The following ARRDC1 variants were observed in gnomAD, a reference collection of about 807,000 sequenced individuals.
ARRDC1 encodes the protein arrestin domain-containing protein 1.
A neutral mutation model predicts 40.1 loss-of-function variants in ARRDC1; 37 were observed. The observed-to-expected ratio is 0.92, with a 90% CI of 0.71 to 1.21. The LOEUF is 1.21. Ranked by LOEUF, ARRDC1 falls within the 50% of genes most tolerant of loss-of-function variation. The pLI is 0.00. For missense variants in ARRDC1, 641 were observed against 581.9 expected, an observed-to-expected ratio of 1.10 and a Z score of -1.04; for synonymous variants, 310 against 262.5, an observed-to-expected ratio of 1.18 and a Z score of -1.75.
At chr9:137,613,861 G>A (rs976588575) in intron 4 of ARRDC1, 92 bp downstream of exon 4, 2 of 1,558,666 alleles carry the variant, frequency 1.3e-6, no homozygotes, top group African/African-American at 2.7e-5. Flanking sequence ...CCAGCGTCCT[G>A]TCCCCAGCTG....
intron 2 of ARRDC1, 37 bp from the exon 3 acceptor site, chr9:137,613,420 CAGG>C (rs781034784): frequency 1.9e-6 from 3 of 1,599,720 alleles, no homozygotes; most frequent in Non-Finnish European, 2.6e-6. Context: ...CAGGCCACCT[CAGG>C]GGGGGACTGC....
rs375659457 is a variant in ARRDC1, at chr9:137,615,070, G to C, written c.1238-4G>C. ...CCCACGCAGACCCTGCTTTCTTCCC[G>C]CAGAGGCCCCACCGTCTTATGAGCA... On this transcript the variant is annotated splice_polypyrimidine_tract_variant and splice_region_variant and intron_variant, in intron 7 of 7. Transcript: ENST00000371421. 1.7e-5 allele frequency: 27 copies of C among 1,602,400 alleles called. No individual in the cohort carries two copies. The highest frequency in any genetic ancestry group is 2.3e-5 in the Non-Finnish European group (27 of 1,173,970).
chr9:137,612,869 G>A, intron 1 of ARRDC1, 27 bp from the exon 2 acceptor site: 1 of 1,577,086 alleles, frequency 6.3e-7, no homozygotes, highest in Non-Finnish European at 8.7e-7. Flanking sequence ...CGGCTGGCTG[G>A]GGCTCATGCA....
chr9:137,607,141 G>A (rs1243373012), intron 1 of ARRDC1, among the ~76,000 whole-genome samples: 1 of 152,250 alleles, frequency 6.6e-6, no homozygotes, highest in Non-Finnish European at 1.5e-5. Flanking sequence ...AGGGTCGTGA[G>A]CTAAGGAGTA....
intron 2 of ARRDC1, 130 bp from the exon 3 acceptor site, chr9:137,613,330 C>T (rs904671034): frequency 1.8e-5 from 18 of 1,023,378 alleles, no homozygotes; most frequent in East Asian, 7.8e-5. Context: ...GCTGCTGTGG[C>T]GCTGGTGACT....
At chr9:137,615,037 C>G (rs781125964) in intron 7 of ARRDC1, 37 bp downstream of exon 7, 1 of 1,611,906 alleles carries the variant, frequency 6.2e-7, no homozygotes, top group Non-Finnish European at 8.5e-7. Context: ...GGAGGGGACG[C>G]CAAGAGCCCC....
Position 137,615,007 on chromosome 9 carries a change from C to T in ARRDC1, c.1237+7C>T, listed in dbSNP as rs764585267. The T allele has an allele frequency of 1.1e-5, 17 of 1,612,748 alleles. No homozygotes were observed. The highest frequency in any genetic ancestry group is 8.9e-5 in the East Asian group (4 of 44,860). On this transcript the variant is annotated splice_region_variant and intron_variant, in intron 7 of 7. Coordinates refer to ENST00000371421, the MANE Select transcript of ARRDC1 (RefSeq NM_152285.4). ...TCTTGGGGCTACCCCTATGGTGAGT[C>T]GACAGCCAGGGCTTGGCAGGGAGGG... is the stretch of plus-strand genomic sequence containing the variant.
At chr9:137,606,952 C>T (rs1023330078) in intron 1 of ARRDC1, among the ~76,000 whole-genome samples, 2 of 152,198 alleles carry the variant, frequency 1.3e-5, no homozygotes, top group African/African-American at 4.8e-5. Context: ...AAGGGACGGC[C>T]CCGCGGTGCG....
At chr9:137,612,802 T>G (rs1247766957) in intron 1 of ARRDC1, 94 bp from the exon 2 acceptor site, 2 of 922,704 alleles carry the variant, frequency 2.2e-6, no homozygotes, top group Non-Finnish European at 3.4e-6. Flanking sequence ...GCCCAGGTGG[T>G]GCTGCTTGGC....
Position 137,614,387 on chromosome 9 carries a change from C to T in ARRDC1, c.707C>T (p.Ala236Val), listed in dbSNP as rs776466823. The part of the protein sequence containing the change: ...EGAGVKAWRR[A>V]QWHEQILVPA... ...GCGGGCGTCAAGGCCTGGCGGCGGGCGCAGTGGCACGAGCAGATCCTGGTG... is the reference window on the plus strand; with the variant it reads ...GCGGGCGTCAAGGCCTGGCGGCGGGTGCAGTGGCACGAGCAGATCCTGGTG... The change falls in exon 6 of 8, where the codon GCG becomes GTG. Residue 236 changes from alanine to valine, a missense_variant. By Grantham distance (64) the Ala-to-Val change is moderately conservative. Coordinates refer to ENST00000371421, the MANE Select transcript of ARRDC1 (RefSeq NM_152285.4). The T allele has an allele frequency of 6.0e-5, 97 of 1,612,876 alleles. No homozygotes were observed. The highest frequency in any genetic ancestry group is 2.7e-4 in the East Asian group (12 of 44,872).
Position 137,615,326 on chromosome 9 carries a change from G to A in ARRDC1, c.*188G>A, listed in dbSNP as rs1842654510. ...GTGGCAGGGAGCTGGGACCTGGAGA[G>A]ACAACTCCTGTAAATAAAACACTTT... On this transcript the variant is annotated 3_prime_UTR_variant, in exon 8 of 8. Coordinates refer to ENST00000371421, the MANE Select transcript of ARRDC1 (RefSeq NM_152285.4). 1 of 586,436 alleles carries A rather than the reference G, an allele frequency of 1.7e-6. No individual in the cohort carries two copies. Among genetic ancestry groups the A allele is most frequent in the African/African-American group, 1.9e-5 (1 of 52,918 alleles). 36.3% of individuals were successfully genotyped at this position (586,436 alleles called of 1,614,324 possible).
intron 7 of ARRDC1, 32 bp downstream of exon 7, chr9:137,615,032 G>C (rs778720078): frequency 6.2e-7 from 1 of 1,612,044 alleles, no homozygotes; most frequent in Non-Finnish European, 8.5e-7. Context: ...GGCAGGGAGG[G>C]GACGCCAAGA....
chr9:137,609,422 C>T (rs1040917401), intron 1 of ARRDC1, among the ~76,000 whole-genome samples: 3 of 151,202 alleles, frequency 2.0e-5, no homozygotes, highest in Non-Finnish European at 2.9e-5. Flanking sequence ...TTAGTAGAGA[C>T]GGGGTTTCTC....
At position 137,612,880 on chromosome 9, in the gene ARRDC1, G is replaced by C; in HGVS notation, c.119-16G>C. 6.2e-7 allele frequency: 1 copy of C among 1,605,420 alleles called. No individual in the cohort carries two copies. The highest frequency in any genetic ancestry group is 1.1e-5 in the South Asian group (1 of 90,664). On this transcript the variant is annotated splice_polypyrimidine_tract_variant and intron_variant, in intron 1 of 7. Transcript: ENST00000371421. The stretch of plus-strand genomic sequence containing the variant: ...CCGTCGGCTGGCTGGGGCTCATGCA[G>C]CCATCCCCTTTGCAGCCATCCGGGT...
rs370578954 is a variant in ARRDC1, at chr9:137,606,412, C to T, written c.118+577C>T. Reference sequence around the variant, plus strand: ...GAGGTGAGGCTGCCTCTGCCCGGCCCTTGGCTGTGAGTGCCGCGTCCCTGC... The same window carrying T: ...GAGGTGAGGCTGCCTCTGCCCGGCCTTTGGCTGTGAGTGCCGCGTCCCTGC... On this transcript the variant is annotated intron_variant, in intron 1 of 7. Transcript: ENST00000371421. 2.6e-5 allele frequency among the ~76,000 whole-genome samples: 4 copies of T among 152,318 alleles called. No individual in the cohort carries two copies. The East Asian group carries it at 5.8e-4, about 22-fold the overall frequency.
intron 1 of ARRDC1, chr9:137,612,646 C>T (rs1356140453): frequency 2.2e-6 from 1 of 445,646 alleles, no homozygotes; most frequent in Non-Finnish European, 4.0e-6. Flanking sequence ...TGGGGTCTTT[C>T]TGCTCTGGAT....
At chr9:137,613,282 C>G (rs1317818022) in intron 2 of ARRDC1, 178 bp from the exon 3 acceptor site, 11 of 795,888 alleles carry the variant, frequency 1.4e-5, no homozygotes, top group Non-Finnish European at 1.9e-5. Context: ...TCAAGCCAAG[C>G]TCTTATCCTC....
In ARRDC1 at chr9:137,614,119, C is replaced by T. The variant is rs773373133; in HGVS notation, c.523C>T (p.Arg175Cys). 1.4e-5 allele frequency: 22 copies of T among 1,613,664 alleles called. No individual in the cohort carries two copies. Among genetic ancestry groups the T allele is most frequent in the Middle Eastern group, 1.7e-4 (1 of 6,060 alleles). The change falls in exon 5 of 8, where the codon CGC becomes TGC. Residue 175 changes from arginine to cysteine, a missense_variant. Transcript: ENST00000371421. The part of the protein sequence containing the change: ...SVVLTASTDL[R>C]GYVVGQALQL... ...GGTCCTCACAGCCAGCACTGATCTCCGCGGCTATGTGGTGGGGCAGGCACT... is the reference window on the plus strand; with the variant it reads ...GGTCCTCACAGCCAGCACTGATCTCTGCGGCTATGTGGTGGGGCAGGCACT...
rs142800608 is a variant in ARRDC1 at position 137,614,398 on chromosome 9, G to A, written c.718G>A (p.Glu240Lys). Residue 240 changes from glutamate (E) to lysine (K), a missense_variant, in exon 6 of 8, where the codon GAG becomes AAG. Transcript: ENST00000371421. ...GGCCTGGCGGCGGGCGCAGTGGCAC[G>A]AGCAGATCCTGGTGCCTGCCTTGCC... ...VKAWRRAQWHEQILVPALPQS... is the reference protein window; with the variant it reads ...VKAWRRAQWHKQILVPALPQS... 324 of 1,613,026 alleles carry A rather than the reference G, an allele frequency of 2.0e-4. 1 individual carries two copies. The highest frequency in any genetic ancestry group is 9.5e-5 in the Non-Finnish European group (112 of 1,179,926).
Sources: gnomAD v4.1 joint callset for allele counts (sites outside exome capture counted in the v4.1 genomes callset) on GRCh38, gnomAD v4.1.1 for gene constraint, MANE v1.5 for transcripts, NCBI Gene and HGNC (gene_info 2026-07-23, HGNC 2026-07-21) for gene names.